The following DNAH7 variants were observed in gnomAD, a reference collection of about 807,000 sequenced individuals.
DNAH7 encodes the protein axonemal beta dynein heavy chain 7.
Under a neutral mutation model 444.6 loss-of-function variants are expected in DNAH7, and 397 were observed. The ratio of observed to expected loss-of-function variants is 0.89; its 90% CI spans 0.82 to 0.97. The LOEUF (loss-of-function observed/expected upper bound fraction) is 0.97, where lower values mean the gene tolerates loss of function less well. DNAH7 is among the 50% of genes least tolerant of loss of function. The pLI, the probability that DNAH7 is intolerant of heterozygous loss-of-function variation, is 0.00. For synonymous variants in DNAH7, 1,636 were observed against 1,624.4 expected (o/e 1.01, Z -0.17); for missense variants, 4,902 against 4,800.8 (o/e 1.02, Z -0.62).
Position 195,817,849 on chromosome 2 carries a change from C to G in DNAH7, c.9292-20G>C. The G allele has an allele frequency of 6.6e-7, 1 of 1,521,054 alleles. No homozygotes were observed. Among genetic ancestry groups the G allele is most frequent in the Non-Finnish European group, 8.9e-7 (1 of 1,128,826 alleles). The allele number at this position is 1,521,054 out of a possible 1,614,324, so 94.2% of individuals were successfully genotyped here. A position where few individuals can be genotyped will look rare whatever the true frequency, so the allele number is the denominator to read the frequency against. On this transcript the variant is annotated intron_variant, in intron 49 of 64. Coordinates refer to ENST00000312428, the MANE Select transcript of DNAH7 (RefSeq NM_018897.3). Reference sequence around the variant, plus strand: ...TGTTACCTATAAATGAAAAAATATACAAAAATTACATCATTATTTCTGTTA... The same window carrying G: ...TGTTACCTATAAATGAAAAAATATAGAAAAATTACATCATTATTTCTGTTA...
rs375328552 is a variant in DNAH7, at chr2:195,881,774, G to A, written c.5961+21C>T. Reference sequence around the variant, plus strand: ...AGGAAGATTATGCACAGTTTAATACGCAGATTTCTGCAGTACTTACCGTAA... The same window carrying A: ...AGGAAGATTATGCACAGTTTAATACACAGATTTCTGCAGTACTTACCGTAA... On this transcript the variant is annotated intron_variant, in intron 36 of 64. Coordinates refer to ENST00000312428, the MANE Select transcript of DNAH7 (RefSeq NM_018897.3). 29 of 1,601,250 alleles carry A rather than the reference G, an allele frequency of 1.8e-5. No homozygotes were observed. The East Asian group carries it at 2.5e-4, about 14-fold the overall frequency.
intron 19 of DNAH7, among the ~76,000 whole-genome samples, chr2:195,940,440 C>A (rs1356001513): frequency 6.6e-6 from 1 of 152,116 alleles, no homozygotes; most frequent in Non-Finnish European, 1.5e-5. Context: ...AAAACCTAGG[C>A]AATACCATTC....
intron 45 of DNAH7, 23 bp from the exon 46 acceptor site, chr2:195,853,551 T>C (rs760360621): frequency 1.3e-6 from 2 of 1,595,806 alleles, no homozygotes; most frequent in Admixed American, 3.5e-5. Flanking sequence ...AGTGAGCTTT[T>C]ATCAACATTT....
chr2:195,880,922 T>C (rs1559178358), intron 36 of DNAH7, among the ~76,000 whole-genome samples: 1 of 152,120 alleles, frequency 6.6e-6, no homozygotes, highest in Non-Finnish European at 1.5e-5. Context: ...CTGCCTTCAA[T>C]CATGTTATGT....
At position 195,876,588 on chromosome 2, in the gene DNAH7, TG is replaced by T. The variant is rs1288933225; in HGVS notation, c.6072del (p.Asp2024GlufsTer20). The T allele has an allele frequency of 6.2e-7, 1 of 1,613,824 alleles. No individual in the cohort carries two copies. The highest frequency in any genetic ancestry group is 1.3e-5 in the African/African-American group (1 of 74,916). ...QTQNIVMSKL[D>X]KRRKGVFGPP... is the part of the protein sequence containing the mutation. ...GGACCAAAAACTCCCTTTCTTCTCT[TG>T]TCCAATTTTGACATGACAATATTCT... On this transcript the variant is annotated frameshift_variant, in exon 37 of 65. Transcript: ENST00000312428. LOFTEE classifies it high-confidence loss of function.
At chr2:195,772,244 G>A (rs567828410) in intron 60 of DNAH7, among the ~76,000 whole-genome samples, 2 of 152,264 alleles carry the variant, frequency 1.3e-5, no homozygotes, top group African/African-American at 4.8e-5. Context: ...AAGCGATGGC[G>A]GGCATTAAAA....
chr2:195,792,041 C>T (rs948415047), intron 57 of DNAH7, among the ~76,000 whole-genome samples: 2 of 151,612 alleles, frequency 1.3e-5, no homozygotes, highest in African/African-American at 4.9e-5. Flanking sequence ...GTGGTGTGCA[C>T]GTGTAGTCCC....
chr2:195,743,265 T>C (rs1016132642), intron 63 of DNAH7, among the ~76,000 whole-genome samples: 3 of 152,254 alleles, frequency 2.0e-5, no homozygotes, highest in Admixed American at 2.0e-4. Context: ...GATCCACTAC[T>C]GGCTTCCTTG....
intron 19 of DNAH7, 100 bp from the exon 20 acceptor site, chr2:195,936,892 A>C: frequency 9.8e-7 from 1 of 1,024,288 alleles, no homozygotes; most frequent in Non-Finnish European, 1.3e-6. Flanking sequence ...AATCAAACAA[A>C]GGTTATGTAA....
rs1691906541 is a variant in DNAH7, at chr2:195,972,394, G to A, written c.1906C>T (p.Leu636Phe). The A allele has an allele frequency of 6.2e-7, 1 of 1,613,916 alleles. No homozygotes were observed. The highest frequency in any genetic ancestry group is 1.3e-5 in the African/African-American group (1 of 74,878). The part of the protein sequence containing the change: ...EQRLVDSKNC[L>F]AFLIEYVNFS... ...TTGACATACTCGATGAGGAAGGCGA[G>A]GCAGTTTTTGGAATCCACTAATCTC... The change falls in exon 16 of 65, where the codon CTC (leucine) becomes TTC (phenylalanine). Residue 636 changes from leucine (L) to phenylalanine (F), a missense_variant. Coordinates refer to ENST00000312428, the MANE Select transcript of DNAH7 (RefSeq NM_018897.3).
At chr2:195,867,393 T>C (rs572524403) in intron 40 of DNAH7, among the ~76,000 whole-genome samples, 2 of 152,236 alleles carry the variant, frequency 1.3e-5, no homozygotes, top group Non-Finnish European at 2.9e-5. Context: ...TTGTAATTTG[T>C]GCTTTGAATT....
chr2:196,026,922 GAATAT>G lies in DNAH7; in HGVS notation c.500_504del (p.Tyr167SerfsTer5), dbSNP rs777314365. 6 of 1,603,804 alleles carry G rather than the reference GAATAT, an allele frequency of 3.7e-6. No homozygotes were observed. The highest frequency in any genetic ancestry group is 5.1e-6 in the Non-Finnish European group (6 of 1,174,622). On this transcript the variant is annotated frameshift_variant, in exon 7 of 65. Coordinates refer to ENST00000312428, the MANE Select transcript of DNAH7 (RefSeq NM_018897.3). LOFTEE classifies it high-confidence loss of function. ...ACATGGTCTGTATCAATTCCATGGTGAATATAATAGTAATATCTCTACAAAAAGAA... is the reference window on the plus strand; with the variant it reads ...ACATGGTCTGTATCAATTCCATGGTGAATAGTAATATCTCTACAAAAAGAA...
rs1461887764 is a variant in DNAH7, at chr2:195,864,819, T to TGGAGGATA, written c.6835_6836insTATCCTCC (p.Glu2279ValfsTer19). On this transcript the variant is annotated frameshift_variant, in exon 41 of 65. Coordinates refer to ENST00000312428, the MANE Select transcript of DNAH7 (RefSeq NM_018897.3). LOFTEE classifies it high-confidence loss of function. ...TGCGATTTCTCTGTAGTTGGTATCCTCCCTCTTGGGATCATGGAAATCACA... is the reference window on the plus strand; with the variant it reads ...TGCGATTTCTCTGTAGTTGGTATCCTGGAGGATACCCTCTTGGGATCATGGAAATCACA... 1.2e-6 allele frequency: 2 copies of TGGAGGATA among 1,614,208 alleles called. No homozygotes were observed. The highest frequency in any genetic ancestry group is 2.2e-5 in the South Asian group (2 of 91,074).
At chr2:195,771,557 C>A in intron 61 of DNAH7, 103 bp downstream of exon 61, 2 of 863,470 alleles carry the variant, frequency 2.3e-6, no homozygotes, top group East Asian at 2.5e-5. Context: ...CCCCAGAACC[C>A]AAAACAGTGC....
In DNAH7 at chr2:195,806,760, G is replaced by C. The variant is rs755753242; in HGVS notation, c.10156C>G (p.Arg3386Gly). The C allele has an allele frequency of 6.8e-6, 11 of 1,613,352 alleles. No individual in the cohort carries two copies. The Admixed American group carries it at 1.7e-4, about 24-fold the overall frequency. Residue 3386 changes from arginine (R) to glycine (G), a missense_variant, in exon 54 of 65, where the codon CGT (arginine) becomes GGT (glycine). Coordinates refer to ENST00000312428, the MANE Select transcript of DNAH7 (RefSeq NM_018897.3). ...TTTACCTTGTCTGGCCTCAAGCAAC[G>C]AATAATAAGCATCCTTTGAAACTCA... ...ANEFQRMLII[R>G]CLRPDKVIPM... is the part of the protein sequence containing the mutation.
At chr2:195,935,590 T>C (rs1161091233) in intron 20 of DNAH7, among the ~76,000 whole-genome samples, 1 of 152,124 alleles carries the variant, frequency 6.6e-6, no homozygotes, top group Non-Finnish European at 1.5e-5. Flanking sequence ...GAGCTTATAT[T>C]CCGCTAGAGG....
chr2:195,856,151 T>C (rs887375827), intron 44 of DNAH7, among the ~76,000 whole-genome samples, 160 bp from the exon 45 acceptor site: 1 of 152,174 alleles, frequency 6.6e-6, no homozygotes, highest in African/African-American at 2.4e-5. Flanking sequence ...CTAACAATCA[T>C]CCAAACTTGA....
chr2:195,805,084 G>A (rs1455942859), intron 54 of DNAH7, among the ~76,000 whole-genome samples: 1 of 152,114 alleles, frequency 6.6e-6, no homozygotes, highest in Non-Finnish European at 1.5e-5. Context: ...TAAAAAGAGA[G>A]TGAACGTAGA....
At chr2:195,993,933 A>G (rs944392670) in intron 12 of DNAH7, among the ~76,000 whole-genome samples, 2 of 152,196 alleles carry the variant, frequency 1.3e-5, no homozygotes, top group Non-Finnish European at 1.5e-5. Flanking sequence ...CAATCCGGGA[A>G]GAAGGAATGG....
Sources: gnomAD v4.1 joint callset for allele counts (sites outside exome capture counted in the v4.1 genomes callset) on GRCh38, gnomAD v4.1.1 for gene constraint, MANE v1.5 for transcripts, NCBI Gene and HGNC (gene_info 2026-07-23, HGNC 2026-07-21) for gene names.